Variants in GNAI1 observed in about 807,000 individuals in gnomAD.
GNAI1 encodes guanine nucleotide-binding protein G(i) subunit alpha-1.
In GNAI1, 11 loss-of-function variants were observed where a neutral mutation model predicts 38.9. The observed-to-expected ratio is 0.28, with a 90% CI of 0.18 to 0.47. GNAI1 has a LOEUF of 0.47. GNAI1 is among the 20% of genes least tolerant of loss of function. The pLI is 0.99. For synonymous variants in GNAI1, 166 were observed against 145.1 expected, an observed-to-expected ratio of 1.14 and a Z score of -1.04; for missense variants, 317 against 436.9, an observed-to-expected ratio of 0.73 and a Z score of 2.45.
At chr7:80,165,400 A>C (rs1787996924) in intron 1 of GNAI1, among the ~76,000 whole-genome samples, 1 of 152,178 alleles carries the variant, frequency 6.6e-6, no homozygotes, top group Admixed American at 6.5e-5. Flanking sequence ...AGGGCTGTTA[A>C]CATTCCATCA....
In GNAI1 at chr7:80,222,673, C is replaced by T. The variant is rs373127220; in HGVS notation, c.*5180C>T. On this transcript the variant is annotated 3_prime_UTR_variant, in exon 8 of 8. Coordinates refer to ENST00000649796, the MANE Select transcript of GNAI1 (RefSeq NM_002069.6). The stretch of plus-strand genomic sequence containing the variant: ...AAGTGCTGGGATTACAGGTGTGAGC[C>T]ACCGCACCTGGCCAAAATATTTTTA... 2.0e-5 allele frequency among the ~76,000 whole-genome samples: 3 copies of T among 152,002 alleles called. No homozygotes were observed. Among genetic ancestry groups the T allele is most frequent in the East Asian group, 1.9e-4 (1 of 5,174 alleles).
chr7:80,187,952 A>C (rs377233959), intron 1 of GNAI1, among the ~76,000 whole-genome samples: 2 of 152,170 alleles, frequency 1.3e-5, no homozygotes, highest in Non-Finnish European at 2.9e-5. Flanking sequence ...TAGTATTTTC[A>C]TGTTAGGGTA....
At chr7:80,198,150 C>T (rs754372536) in intron 3 of GNAI1, among the ~76,000 whole-genome samples, 16 of 151,414 alleles carry the variant, frequency 1.1e-4, no homozygotes, top group East Asian at 7.7e-4. Context: ...AGCTACTATC[C>T]GCATGTGGCT....
chr7:80,171,028 G>T (rs1244714472), intron 1 of GNAI1, among the ~76,000 whole-genome samples: 1 of 152,100 alleles, frequency 6.6e-6, no homozygotes, highest in East Asian at 1.9e-4. Context: ...TACAGTTGAG[G>T]TTCATTACTT....
At chr7:80,156,139 T>C (rs1267750968) in intron 1 of GNAI1, among the ~76,000 whole-genome samples, 2 of 151,720 alleles carry the variant, frequency 1.3e-5, no homozygotes, top group Non-Finnish European at 2.9e-5. Flanking sequence ...AACTAAGAGC[T>C]GTTGGTGCAG....
Position 80,218,858 on chromosome 7 carries a change from T to C in GNAI1, c.*1365T>C, listed in dbSNP as rs1249847914. ...GATACTGAGCTTTGATAGAATAATT[T>C]TCTTTTGATTATTCATGATGTGTCA... On this transcript the variant is annotated 3_prime_UTR_variant, in exon 8 of 8. Transcript: ENST00000649796. 1 of 150,462 alleles carries C rather than the reference T, an allele frequency of 6.6e-6. No homozygotes were observed. Among genetic ancestry groups the C allele is most frequent in the Non-Finnish European group, 1.5e-5 (1 of 68,044 alleles). The allele number at this position is 150,462 out of a possible 1,614,324, so 9.3% of individuals were successfully genotyped here.
chr7:80,140,640 A>G (rs1033740701), intron 1 of GNAI1, among the ~76,000 whole-genome samples: 9 of 152,200 alleles, frequency 5.9e-5, no homozygotes, highest in African/African-American at 2.2e-4. Context: ...CTTACGAACT[A>G]AGGTCAGCTC....
chr7:80,138,792 C>T (rs1787471723), intron 1 of GNAI1, among the ~76,000 whole-genome samples: 1 of 152,248 alleles, frequency 6.6e-6, no homozygotes, highest in African/African-American at 2.4e-5. Flanking sequence ...CACTCCCCCT[C>T]ATATACAAAA....
At chr7:80,209,114 A>G (rs1049986206) in intron 5 of GNAI1, among the ~76,000 whole-genome samples, 1 of 152,058 alleles carries the variant, frequency 6.6e-6, no homozygotes, top group Admixed American at 6.5e-5. Flanking sequence ...GTGTAGTTTT[A>G]TTTTCTGTCA....
chr7:80,188,855 G>GGT (rs148159852), intron 1 of GNAI1, 96 bp from the exon 2 acceptor site: 15,029 of 688,010 alleles, frequency 0.022, 309 homozygotes, highest in African/African-American at 0.12. Flanking sequence ...AGAGAGACTG[G>GGT]GTGTGTGTGT....
chr7:80,175,831 T>G (rs1179233382), intron 1 of GNAI1, among the ~76,000 whole-genome samples: 1 of 152,210 alleles, frequency 6.6e-6, no homozygotes, highest in Non-Finnish European at 1.5e-5. Flanking sequence ...CTCATATCTC[T>G]ACCTCTCCTC....
Position 80,211,007 on chromosome 7 carries a change from A to G in GNAI1, c.629A>G (p.Lys210Arg). 1 of 1,613,136 alleles carries G rather than the reference A, an allele frequency of 6.2e-7. No individual in the cohort carries two copies. Residue 210 changes from lysine to arginine, a missense_variant, in exon 6 of 8, where the codon AAG (lysine) becomes AGG (arginine). This residue lies in a region of GNAI1 where 158 missense variants were observed against 234.7 expected (regional missense o/e 0.67). Transcript: ENST00000649796. Reference protein sequence around the residue: ...DVGGQRSERKKWIHCFEGVTA... With the variant: ...DVGGQRSERKRWIHCFEGVTA... ...GGAGGTCAGAGATCTGAGCGGAAGA[A>G]GTGGATTCATTGCTTCGAAGGAGTG...
intron 1 of GNAI1, among the ~76,000 whole-genome samples, chr7:80,158,942 G>C (rs756733633): frequency 1.3e-5 from 2 of 152,074 alleles, no homozygotes; most frequent in Non-Finnish European, 2.9e-5. Flanking sequence ...TCACAGTGGC[G>C]ATGTCTTCTA....
At chr7:80,156,845 G>A (rs769104222) in intron 1 of GNAI1, among the ~76,000 whole-genome samples, 4 of 152,104 alleles carry the variant, frequency 2.6e-5, no homozygotes, top group Non-Finnish European at 5.9e-5. Context: ...TGAGCAGAGA[G>A]GGTACAGAGC....
At chr7:80,183,674 A>G (rs1788336518) in intron 1 of GNAI1, among the ~76,000 whole-genome samples, 1 of 152,100 alleles carries the variant, frequency 6.6e-6, no homozygotes, top group Non-Finnish European at 1.5e-5. Context: ...CTGAGGTCAG[A>G]AGTGTTTTTT....
intron 1 of GNAI1, among the ~76,000 whole-genome samples, chr7:80,161,844 A>G (rs974935433): frequency 2.2e-4 from 34 of 152,298 alleles, no homozygotes; most frequent in African/African-American, 7.0e-4. Context: ...GGAATTATAC[A>G]GTATGATTGA....
At position 80,224,124 on chromosome 7, in the gene GNAI1, A is replaced by G. The variant is rs1378971221; in HGVS notation, c.*6631A>G. On this transcript the variant is annotated 3_prime_UTR_variant, in exon 8 of 8. Transcript: ENST00000649796. The stretch of plus-strand genomic sequence containing the variant: ...ATAGTAAGATTTACTCAAAACCACG[A>G]ACTCCTCCATTATTTAAAATATGTT... Among the ~76,000 whole-genome samples, 1 of 152,196 alleles carries G rather than the reference A, an allele frequency of 6.6e-6. No individual in the cohort carries two copies. Among genetic ancestry groups the G allele is most frequent in the African/African-American group, 2.4e-5 (1 of 41,452 alleles).
intron 1 of GNAI1, among the ~76,000 whole-genome samples, chr7:80,165,857 G>T (rs550248122): frequency 1.3e-5 from 2 of 152,216 alleles, no homozygotes; most frequent in African/African-American, 4.8e-5. Context: ...TTTGATAGCA[G>T]TTACTGTACC....
intron 6 of GNAI1, among the ~76,000 whole-genome samples, chr7:80,211,419 CTT>C (rs71076502): frequency 3.5e-4 from 49 of 138,750 alleles, no homozygotes; most frequent in Admixed American, 5.8e-4. Context: ...TTTAGTAAAT[CTT>C]TTTTTTTTTT....
Sources: allele counts gnomAD v4.1 joint callset (sites outside exome capture counted in the v4.1 genomes callset), GRCh38; gene constraint gnomAD v4.1.1; regional missense constraint gnomAD v4.1.1; transcripts MANE v1.5; gene names NCBI Gene and HGNC (gene_info 2026-07-23, HGNC 2026-07-21).